Variants in FAM47E observed in about 807,000 individuals in gnomAD.
The protein encoded by FAM47E is family with sequence similarity 47 member E, also known as protein FAM47E.
In FAM47E, 32 loss-of-function variants were observed where a neutral mutation model predicts 41.6. That is an observed-to-expected ratio of 0.77 (90% CI 0.58 to 1.03). FAM47E has a LOEUF of 1.03. Ranked by LOEUF, FAM47E falls within the 50% of genes least tolerant of loss-of-function variation. FAM47E has a pLI of 0.00. For missense variants in FAM47E, 424 were observed against 485.4 expected (o/e 0.87, Z 1.19); for synonymous variants, 184 against 188.7 (o/e 0.98, Z 0.20).
At chr4:76,270,833 A>C (rs1485628583) in intron 4 of FAM47E, among the ~76,000 whole-genome samples, 1 of 151,508 alleles carries the variant, frequency 6.6e-6, no homozygotes, top group Non-Finnish European at 1.5e-5. Flanking sequence ...TTTATTTTTC[A>C]CCTCATTGAT....
At chr4:76,238,473 A>G (rs1169230313) in intron 2 of FAM47E, among the ~76,000 whole-genome samples, 1 of 152,182 alleles carries the variant, frequency 6.6e-6, no homozygotes, top group East Asian at 1.9e-4. Context: ...GTTTCCTCAT[A>G]CTACATTTAT....
intron 2 of FAM47E, among the ~76,000 whole-genome samples, chr4:76,243,621 AG>A (rs1733757476): frequency 6.6e-6 from 1 of 152,228 alleles, no homozygotes; most frequent in Non-Finnish European, 1.5e-5. Context: ...ATTGTATGCA[AG>A]ACCCTCTCTT....
Position 76,271,620 on chromosome 4 carries a change from A to G in FAM47E, c.722A>G (p.Tyr241Cys), listed in dbSNP as rs1320956763. Residue 241 changes from tyrosine to cysteine, a missense_variant, in exon 5 of 8, where the codon TAT (tyrosine) becomes TGT (cysteine). By Grantham distance (194) the Tyr-to-Cys change is radical. Coordinates refer to ENST00000424749, the MANE Select transcript of FAM47E (RefSeq NM_001136570.3). ...EFILKQFDID[Y>C]ETKPSHDALH... ...ATCTTGAAACAGTTTGACATTGACT[A>G]TGAGACCAAACCAAGCCATGATGCG... 17 of 1,552,188 alleles carry G rather than the reference A, an allele frequency of 1.1e-5. No homozygotes were observed. The highest frequency in any genetic ancestry group is 1.4e-5 in the Non-Finnish European group (16 of 1,147,092).
intron 2 of FAM47E, among the ~76,000 whole-genome samples, chr4:76,237,789 G>T (rs1276088045): frequency 2.6e-5 from 4 of 152,076 alleles, no homozygotes; most frequent in Non-Finnish European, 4.4e-5. Flanking sequence ...AGGAAGGAGA[G>T]AAGTGATACA....
intron 3 of FAM47E, among the ~76,000 whole-genome samples, chr4:76,266,320 T>C (rs1437928668): frequency 6.6e-6 from 1 of 152,256 alleles, no homozygotes; most frequent in Admixed American, 6.5e-5. Flanking sequence ...GTTGTATAAT[T>C]GGCATCTCAG....
At chr4:76,260,880 T>A (rs2904221) in intron 2 of FAM47E, among the ~76,000 whole-genome samples, 3 of 151,552 alleles carry the variant, frequency 2.0e-5, no homozygotes, top group Admixed American at 2.0e-4. Context: ...AAAACAATTC[T>A]ATTAAAAAGT....
chr4:76,216,195 C>G (rs916444522), intron 1 of FAM47E, among the ~76,000 whole-genome samples: 5 of 152,202 alleles, frequency 3.3e-5, no homozygotes, highest in African/African-American at 1.2e-4. Flanking sequence ...GCTACATTAA[C>G]TCTGCTCTGT....
chr4:76,258,611 T>G (rs1734282192), intron 2 of FAM47E, among the ~76,000 whole-genome samples: 1 of 152,198 alleles, frequency 6.6e-6, no homozygotes, highest in Admixed American at 6.5e-5. Context: ...GTACCCAGTG[T>G]CCAGGTGATG....
At chr4:76,214,084 C>T (rs1016330421) in exon 1 of FAM47E, 1 of 353,386 alleles carries the variant, frequency 2.8e-6, no homozygotes. Flanking sequence ...CCGAAATTGC[C>T]GAACCTGGTT....
intron 7 of FAM47E, chr4:76,281,826 T>C (rs528701333): frequency 7.2e-5 from 11 of 152,290 alleles, no homozygotes; most frequent in African/African-American, 2.6e-4. Context: ...CCAGGCGGAT[T>C]GGCAGGTTGA....
At chr4:76,271,435 A>G (rs548610355) in intron 4 of FAM47E, 133 bp from the exon 5 acceptor site, 11 of 1,050,192 alleles carry the variant, frequency 1.0e-5, no homozygotes, top group African/African-American at 3.2e-5. Context: ...CTTGTCTTCA[A>G]TGAATGCTGA....
exon 1 of FAM47E, chr4:76,214,403 G>C (rs1222694318): frequency 2.4e-6 from 1 of 423,184 alleles, no homozygotes; most frequent in Non-Finnish European, 4.8e-6. Flanking sequence ...GGAGGAGGAG[G>C]CATTTCACGG....
Position 76,271,763 on chromosome 4 carries a change from C to T in FAM47E, c.865C>T (p.Pro289Ser). The T allele has an allele frequency of 6.4e-7, 1 of 1,551,050 alleles. No individual in the cohort carries two copies. The highest frequency in any genetic ancestry group is 8.7e-7 in the Non-Finnish European group (1 of 1,146,784). ...KLGYERKLQK[P>S]QNPYKPKWVK... ...AGGCTATGAGAGGAAACTCCAGAAA[C>T]CACAGGTAATTGCAGAAGGGGACCA... The change falls in exon 5 of 8, where the codon CCA becomes TCA. Residue 289 changes from proline to serine, a missense_variant. Physicochemically the swap from Pro to Ser is moderately conservative, Grantham distance 74. Coordinates refer to ENST00000424749, the MANE Select transcript of FAM47E (RefSeq NM_001136570.3).
chr4:76,249,697 A>G (rs530010137), upstream of FAM47E, among the ~76,000 whole-genome samples: 31 of 151,622 alleles, frequency 2.0e-4, no homozygotes, highest in African/African-American at 7.3e-4. Flanking sequence ...TCCCCGTCCT[A>G]TCCTTCCCCC....
At chr4:76,217,673 C>A in exon 2 of FAM47E, 1 of 647,648 alleles carries the variant, frequency 1.5e-6, no homozygotes, top group South Asian at 1.8e-5. Flanking sequence ...AACCTCTTTT[C>A]ACTACCCAAT....
intron 2 of FAM47E, among the ~76,000 whole-genome samples, chr4:76,232,841 T>TAGTG (rs1263455817): frequency 6.6e-6 from 1 of 152,200 alleles, no homozygotes; most frequent in African/African-American, 2.4e-5. Flanking sequence ...TATTATGAAA[T>TAGTG]AGTGTTCCAG....
intron 3 of FAM47E, 87 bp downstream of exon 3, chr4:76,263,930 A>G: frequency 6.7e-7 from 1 of 1,485,624 alleles, no homozygotes; most frequent in Non-Finnish European, 9.0e-7. Context: ...TCATCTTTAG[A>G]ATACTTCTAA....
chr4:76,227,838 G>T (rs1326560709), intron 2 of FAM47E, among the ~76,000 whole-genome samples: 1 of 152,136 alleles, frequency 6.6e-6, no homozygotes, highest in African/African-American at 2.4e-5. Context: ...TCTGATATAA[G>T]AATAGCTATT....
At chr4:76,216,627 TCTAAACA>T (rs1733212204) in intron 1 of FAM47E, among the ~76,000 whole-genome samples, 2 of 152,336 alleles carry the variant, frequency 1.3e-5, no homozygotes, top group South Asian at 2.1e-4. Flanking sequence ...TGGGAGAGTT[TCTAAACA>T]AGGGTTTACA....
Sources: allele counts gnomAD v4.1 joint callset (sites outside exome capture counted in the v4.1 genomes callset), GRCh38; gene constraint gnomAD v4.1.1; transcripts MANE v1.5; gene names NCBI Gene and HGNC (gene_info 2026-07-23, HGNC 2026-07-21).